Variants in PKHD1 observed in about 807,000 individuals in gnomAD.
PKHD1 encodes PKHD1 ciliary IPT domain containing fibrocystin/polyductin.
Under a neutral mutation model 412.0 loss-of-function variants are expected in PKHD1, and 291 were observed. The observed-to-expected ratio is 0.71, with a 90% CI of 0.64 to 0.78. The LOEUF is 0.78. Ranked by LOEUF, PKHD1 falls within the 30% of genes least tolerant of loss-of-function variation. PKHD1 has a pLI of 0.00. For synonymous variants in PKHD1, 1,777 were observed against 1,821.5 expected, an observed-to-expected ratio of 0.98 and a Z score of 0.62; for missense variants, 4,825 against 4,950.7, an observed-to-expected ratio of 0.97 and a Z score of 0.76.
chr6:51,889,628 AG>A (rs1778798423), intron 43 of PKHD1, among the ~76,000 whole-genome samples: 1 of 152,054 alleles, frequency 6.6e-6, no homozygotes, highest in Non-Finnish European at 1.5e-5. Flanking sequence ...TTGATTTATT[AG>A]GGGGGTGATG....
rs1200091062 is a variant in PKHD1 at position 51,617,206 on chromosome 6, A to G, written c.*1875T>C. On this transcript the variant is annotated 3_prime_UTR_variant, in exon 67 of 67. Coordinates refer to ENST00000371117, the MANE Select transcript of PKHD1 (RefSeq NM_138694.4). ...AACCTCAAAAGCCTTCACTTCTGAAATGTTTTTTTCCAAAAAGCTTACGGC... is the reference window on the plus strand; with the variant it reads ...AACCTCAAAAGCCTTCACTTCTGAAGTGTTTTTTTCCAAAAAGCTTACGGC... The G allele has an allele frequency of 6.6e-6, 1 of 152,372 alleles. No homozygotes were observed. Among genetic ancestry groups the G allele is most frequent in the Admixed American group, 6.5e-5 (1 of 15,288 alleles). The allele number at this position is 152,372 out of a possible 1,614,324, so 9.4% of individuals were successfully genotyped here.
chr6:51,902,755 T>A (rs2127618407), intron 43 of PKHD1, among the ~76,000 whole-genome samples: 1 of 152,292 alleles, frequency 6.6e-6, no homozygotes, highest in African/African-American at 2.4e-5. Flanking sequence ...TCTGATGCAC[T>A]TGTTCACTCA....
At chr6:51,841,672 A>G (rs1770234239) in intron 50 of PKHD1, among the ~76,000 whole-genome samples, 1 of 152,174 alleles carries the variant, frequency 6.6e-6, no homozygotes, top group African/African-American at 2.4e-5. Context: ...TCAGCATGGG[A>G]ATGGCTGCAG....
At chr6:52,053,055 G>T in intron 21 of PKHD1, 21 bp downstream of exon 21, 1 of 1,611,600 alleles carries the variant, frequency 6.2e-7, no homozygotes, top group South Asian at 1.1e-5. Context: ...GCTTGTGGAG[G>T]AGAGAGAATT....
chr6:51,775,940 A>G lies in PKHD1; in HGVS notation c.8441-19T>C, dbSNP rs539196097. On this transcript the variant is annotated intron_variant, in intron 53 of 66. Transcript: ENST00000371117. The stretch of plus-strand genomic sequence containing the variant: ...AAAGTACCTGTTTACAAAGAAAAGT[A>G]TATCATTCAAATCAATTTGAAATTA... The G allele has an allele frequency of 3.0e-5, 33 of 1,101,616 alleles. No homozygotes were observed. In the South Asian group the frequency reaches 3.5e-4, roughly 12 times the overall value. The allele number at this position is 1,101,616 out of a possible 1,614,324, so 68.2% of individuals were successfully genotyped here. A position where few individuals can be genotyped will look rare whatever the true frequency, so the allele number is the denominator to read the frequency against.
rs528269658 is a variant in PKHD1, at chr6:51,967,879, T to C, written c.5752-7853A>G. 7.2e-5 allele frequency among the ~76,000 whole-genome samples: 11 copies of C among 152,324 alleles called. No individual in the cohort carries two copies. In the East Asian group the frequency reaches 2.1e-3, roughly 29 times the overall value. Reference sequence around the variant, plus strand: ...ACATTTTAAGTGATGGACTACAACATGTTATTTCCCCATGCAATGGACCCA... The same window carrying C: ...ACATTTTAAGTGATGGACTACAACACGTTATTTCCCCATGCAATGGACCCA... On this transcript the variant is annotated intron_variant, in intron 35 of 66. Transcript: ENST00000371117.
chr6:51,990,832 A>G (rs1796964260), intron 35 of PKHD1, among the ~76,000 whole-genome samples: 1 of 152,152 alleles, frequency 6.6e-6, no homozygotes, highest in Admixed American at 6.5e-5. Flanking sequence ...AAAGTTAGGC[A>G]GACTACATTT....
At chr6:51,912,341 A>T in intron 38 of PKHD1, 25 bp downstream of exon 38, 1 of 1,462,274 alleles carries the variant, frequency 6.8e-7, no homozygotes, top group Non-Finnish European at 9.6e-7. Context: ...TTCCATGTCA[A>T]CTTAGCCAAG....
chr6:51,886,259 T>C (rs932663640), intron 44 of PKHD1, among the ~76,000 whole-genome samples: 2 of 152,190 alleles, frequency 1.3e-5, no homozygotes, highest in Non-Finnish European at 2.9e-5. Context: ...TCTATTGAAT[T>C]ATCTCTGGCC....
At chr6:51,728,931 C>T (rs992305125) in intron 60 of PKHD1, among the ~76,000 whole-genome samples, 1 of 152,152 alleles carries the variant, frequency 6.6e-6, no homozygotes, top group Non-Finnish European at 1.5e-5. Flanking sequence ...TATGACAGGC[C>T]TGGGGCCAAG....
At chr6:51,708,582 G>C (rs1780279174) in intron 60 of PKHD1, among the ~76,000 whole-genome samples, 1 of 152,066 alleles carries the variant, frequency 6.6e-6, no homozygotes, top group Non-Finnish European at 1.5e-5. Context: ...ATATCATCTT[G>C]GTCCATTCTC....
chr6:51,839,825 TCTCA>T (rs1769857097), intron 50 of PKHD1, among the ~76,000 whole-genome samples: 1 of 151,776 alleles, frequency 6.6e-6, no homozygotes, highest in Admixed American at 6.6e-5. Flanking sequence ...TATTAGGACC[TCTCA>T]CTCAGGCCAC....
chr6:51,707,357 G>A (rs1344372302), intron 60 of PKHD1, among the ~76,000 whole-genome samples: 1 of 152,110 alleles, frequency 6.6e-6, no homozygotes, highest in Non-Finnish European at 1.5e-5. Context: ...GGCACCTCCA[G>A]TATGATGCAT....
intron 37 of PKHD1, among the ~76,000 whole-genome samples, chr6:51,922,828 T>G (rs962289024): frequency 2.0e-5 from 3 of 152,182 alleles, no homozygotes; most frequent in Admixed American, 2.0e-4. Flanking sequence ...GTGTCCCGAT[T>G]TTCCAGGTAC....
chr6:51,825,418 T>C (rs1299679700), intron 52 of PKHD1, among the ~76,000 whole-genome samples: 1 of 152,138 alleles, frequency 6.6e-6, no homozygotes. Context: ...GGCTATTCTT[T>C]CTTGGAATCC....
chr6:51,717,336 C>A (rs1461630642), intron 60 of PKHD1, among the ~76,000 whole-genome samples: 1 of 151,430 alleles, frequency 6.6e-6, no homozygotes, highest in Non-Finnish European at 1.5e-5. Context: ...TTCTTGAACC[C>A]AGGAGGCAGA....
Position 51,659,217 on chromosome 6 carries a change from G to A in PKHD1, c.10909C>T (p.Arg3637Cys), listed in dbSNP as rs141349745. ...TTCATTTCCATCATGAGAGGCCTAC[G>A]TTGACCAACTCTTCTATAATGACTA... is the stretch of plus-strand genomic sequence containing the variant. ...CTSHYRRVGQ[R>C]RPLMMEMNSH... The change falls in exon 61 of 67, where the codon CGT becomes TGT. Residue 3637 changes from arginine (R) to cysteine (C), a missense_variant. By Grantham distance (180) the Arg-to-Cys change is radical. Coordinates refer to ENST00000371117, the MANE Select transcript of PKHD1 (RefSeq NM_138694.4). 4.0e-4 allele frequency: 638 copies of A among 1,613,634 alleles called. No homozygotes were observed. Among genetic ancestry groups the A allele is most frequent in the Non-Finnish European group, 4.9e-4 (583 of 1,179,860 alleles).
intron 65 of PKHD1, among the ~76,000 whole-genome samples, chr6:51,629,716 A>T (rs1343213340): frequency 6.6e-6 from 1 of 152,142 alleles, no homozygotes; most frequent in Non-Finnish European, 1.5e-5. Context: ...TTTGCAATTG[A>T]ATTTTGAGCT....
At chr6:51,972,497 G>A (rs1362053175) in intron 35 of PKHD1, among the ~76,000 whole-genome samples, 1 of 152,188 alleles carries the variant, frequency 6.6e-6, no homozygotes, top group Non-Finnish European at 1.5e-5. Context: ...TCAGAGGTGG[G>A]GATGAAATCT....
Sources: allele counts gnomAD v4.1 joint callset (sites outside exome capture counted in the v4.1 genomes callset), GRCh38; gene constraint gnomAD v4.1.1; transcripts MANE v1.5; gene names NCBI Gene and HGNC (gene_info 2026-07-23, HGNC 2026-07-21).